Variants in ASAP1 observed in about 807,000 individuals in gnomAD.
ASAP1 encodes the protein ArfGAP with SH3 domain, ankyrin repeat and PH domain 1.
ASAP1 carries 43 observed loss-of-function variants against 145.2 expected under a neutral mutation model. The ratio of observed to expected loss-of-function variants is 0.30; its 90% CI spans 0.23 to 0.38. The LOEUF (loss-of-function observed/expected upper bound fraction) is 0.38. Among genes scored for constraint, ASAP1 ranks in the 10% least tolerant of loss-of-function variants. ASAP1 has a pLI of 1.00. For synonymous variants in ASAP1, 546 were observed against 515.5 expected (o/e 1.06, Z -0.80); for missense variants, 1,018 against 1,355.3 (o/e 0.75, Z 3.91).
chr8:130,077,670 T>C (rs868723966), intron 26 of ASAP1, among the ~76,000 whole-genome samples: 2 of 150,024 alleles, frequency 1.3e-5, no homozygotes, highest in South Asian at 4.2e-4. Flanking sequence ...CTCAGCTAAC[T>C]GCATTTAAAA....
At position 130,358,244 on chromosome 8, in the gene ASAP1, G is replaced by GCCCGCCA; in HGVS notation, c.60-108_60-102dup. On this transcript the variant is annotated intron_variant, in intron 2 of 29. Transcript: ENST00000518721. This position sits in a 1 kb window ranked among gnomAD's most constrained non-coding sequence, Gnocchi z 4.1. ...GGAGGCTCATGAACCCCGGCGCGCAGCCCGCCACCCGCCGCCCGGCCTGGC... is the reference window on the plus strand; with the variant it reads ...GGAGGCTCATGAACCCCGGCGCGCAGCCCGCCACCCGCCACCCGCCGCCCGGCCTGGC... The GCCCGCCA allele has an allele frequency of 3.2e-6, 3 of 924,174 alleles. No homozygotes were observed. The highest frequency in any genetic ancestry group is 4.1e-6 in the Non-Finnish European group (3 of 739,706). The allele number at this position is 924,174 out of a possible 1,614,324, so 57.2% of individuals were successfully genotyped here. A position where few individuals can be genotyped will look rare whatever the true frequency, so the allele number is the denominator to read the frequency against.
intron 3 of ASAP1, among the ~76,000 whole-genome samples, chr8:130,254,143 A>G (rs1294612944): frequency 6.6e-6 from 1 of 152,270 alleles, no homozygotes; most frequent in African/African-American, 2.4e-5. Flanking sequence ...AAATGTGACA[A>G]AAATGCAGCG....
rs187171268 is a variant in ASAP1, at chr8:130,245,055, T to C, written c.187-8061A>G. 7.6e-4 allele frequency among the ~76,000 whole-genome samples: 115 copies of C among 152,250 alleles called. 1 individual carries two copies. The highest frequency in any genetic ancestry group is 2.4e-3 in the Admixed American group (37 of 15,290). ...TCAACCAGGAAGCAGCAGTGCAGAA[T>C]ACTTGCCAACAGAGGAAGAGGGACC... On this transcript the variant is annotated intron_variant, in intron 3 of 29. Transcript: ENST00000518721.
chr8:130,355,845 A>C (rs1476380226), intron 3 of ASAP1, among the ~76,000 whole-genome samples: 1 of 152,190 alleles, frequency 6.6e-6, no homozygotes, highest in African/African-American at 2.4e-5. Flanking sequence ...CAAGAATTAA[A>C]ATATGCCGAC....
Position 130,162,689 on chromosome 8 carries a change from G to C in ASAP1, c.910-2725C>G, listed in dbSNP as rs2097671790. 2.0e-5 allele frequency among the ~76,000 whole-genome samples: 3 copies of C among 151,922 alleles called. 1 individual carries two copies. The highest frequency in any genetic ancestry group is 1.3e-4 in the Admixed American group (2 of 15,258). On this transcript the variant is annotated intron_variant, in intron 11 of 29. Transcript: ENST00000518721. The stretch of plus-strand genomic sequence containing the variant: ...AAAAATTAGCCGGGCGTGGTGGCGG[G>C]CGCCTGTACTCCCAGCTACTCAGGA...
intron 3 of ASAP1, among the ~76,000 whole-genome samples, chr8:130,283,587 G>GAA (rs71304303): frequency 2.4e-4 from 5 of 20,850 alleles, no homozygotes; most frequent in East Asian, 1.6e-3. Flanking sequence ...ATCACAGAAA[G>GAA]AAAAAAAAAA....
intron 12 of ASAP1, among the ~76,000 whole-genome samples, chr8:130,158,763 G>A (rs1252335994): frequency 6.7e-6 from 1 of 149,912 alleles, no homozygotes; most frequent in African/African-American, 2.5e-5. Flanking sequence ...TTTTTGTCTC[G>A]CACTGTTGCC....
intron 3 of ASAP1, among the ~76,000 whole-genome samples, chr8:130,241,817 A>AT (rs1252721410): frequency 6.6e-6 from 1 of 152,116 alleles, no homozygotes; most frequent in Non-Finnish European, 1.5e-5. Context: ...CTAACTGAGC[A>AT]ATGGCAATAC....
At chr8:130,316,775 T>C (rs1445373291) in intron 3 of ASAP1, among the ~76,000 whole-genome samples, 1 of 152,232 alleles carries the variant, frequency 6.6e-6, no homozygotes, top group Admixed American at 6.5e-5. Flanking sequence ...ATGTCTAAGT[T>C]CCTTTTAGAG....
intron 4 of ASAP1, among the ~76,000 whole-genome samples, chr8:130,226,468 C>T (rs2136553177): frequency 6.6e-6 from 1 of 152,250 alleles, no homozygotes; most frequent in South Asian, 2.1e-4. Flanking sequence ...AGACAAAATC[C>T]TTGGAGGCAG....
chr8:130,054,926 C>G (rs2097400394), intron 29 of ASAP1, 121 bp from the exon 30 acceptor site: 1 of 760,380 alleles, frequency 1.3e-6, no homozygotes, highest in South Asian at 1.4e-5. Context: ...CCCAGGCTTA[C>G]CCTTCTTCCC....
intron 24 of ASAP1, among the ~76,000 whole-genome samples, chr8:130,103,721 T>C (rs967272275): frequency 2.6e-5 from 4 of 152,152 alleles, no homozygotes; most frequent in Non-Finnish European, 5.9e-5. Flanking sequence ...CAGGCTGGTC[T>C]TGGGTCTTGA....
At chr8:130,418,273 G>A (rs193218457) in intron 1 of ASAP1, among the ~76,000 whole-genome samples, 154 of 152,262 alleles carry the variant, frequency 1.0e-3, no homozygotes, top group East Asian at 4.1e-3. Context: ...ATTCAGGCCC[G>A]GCACGGTCGC....
intron 5 of ASAP1, among the ~76,000 whole-genome samples, chr8:130,193,065 G>C (rs1461059428): frequency 6.6e-6 from 1 of 152,160 alleles, no homozygotes; most frequent in African/African-American, 2.4e-5. Flanking sequence ...CTTATGGTAT[G>C]CAAGAATTTG....
chr8:130,118,131 G>A, intron 20 of ASAP1, 30 bp downstream of exon 20: 1 of 1,581,888 alleles, frequency 6.3e-7, no homozygotes, highest in Non-Finnish European at 8.7e-7. Flanking sequence ...GCATATTCAG[G>A]TAATTCAACA....
intron 18 of ASAP1, among the ~76,000 whole-genome samples, chr8:130,120,866 A>G (rs895790565): frequency 5.3e-5 from 8 of 152,290 alleles, no homozygotes; most frequent in African/African-American, 1.9e-4. Flanking sequence ...CTGACACTGG[A>G]GTAATAGGGA....
intron 1 of ASAP1, among the ~76,000 whole-genome samples, chr8:130,417,619 GAA>G (rs796254952): frequency 1.8e-4 from 24 of 134,350 alleles, no homozygotes; most frequent in Admixed American, 3.0e-4. Flanking sequence ...GGCTTCAGGG[GAA>G]AAAAAAAAAA....
At chr8:130,335,046 G>GA (rs1824946191) in intron 3 of ASAP1, among the ~76,000 whole-genome samples, 1 of 152,188 alleles carries the variant, frequency 6.6e-6, no homozygotes, top group Non-Finnish European at 1.5e-5. Flanking sequence ...CTGGGTATGA[G>GA]ACGGATTAAC....
At position 130,116,939 on chromosome 8, in the gene ASAP1, A is replaced by G. The variant is rs1349199862; in HGVS notation, c.1937T>C (p.Met646Thr). 6.2e-7 allele frequency: 1 copy of G among 1,613,846 alleles called. No homozygotes were observed. The highest frequency in any genetic ancestry group is 1.7e-5 in the Admixed American group (1 of 59,958). The change falls in exon 21 of 30, where the codon ATG becomes ACG. Residue 646 changes from methionine to threonine, a missense_variant. Physicochemically the swap from Met to Thr is moderately conservative, Grantham distance 81 (BLOSUM62 -1). Coordinates refer to ENST00000518721, the MANE Select transcript of ASAP1 (RefSeq NM_018482.4). ...LGNTVLHYCS[M>T]YSKPECLKLL... is the part of the protein sequence containing the mutation. Reference sequence around the variant, plus strand: ...CTTCAAACACTCAGGTTTACTGTACATACTACAGTAGTGTAGAACTGTGTT... The same window carrying G: ...CTTCAAACACTCAGGTTTACTGTACGTACTACAGTAGTGTAGAACTGTGTT...
Sources: allele counts gnomAD v4.1 joint callset (sites outside exome capture counted in the v4.1 genomes callset), GRCh38; gene constraint gnomAD v4.1.1; non-coding constraint Gnocchi (gnomAD v3.1); transcripts MANE v1.5; gene names NCBI Gene and HGNC (gene_info 2026-07-23, HGNC 2026-07-21).